CHST15: variants seen among roughly 807,000 people sequenced by gnomAD.
CHST15 encodes B cell RAG associated protein (GALNAC4S-6ST).
In CHST15, 30 loss-of-function variants were observed where a neutral mutation model predicts 53.6. That is an observed-to-expected ratio of 0.56 (90% confidence interval 0.42 to 0.76). CHST15 has a LOEUF of 0.76. Ranked by LOEUF, CHST15 falls within the 30% of genes least tolerant of loss-of-function variation. CHST15 has a pLI of 0.00. For synonymous variants in CHST15, 296 were observed against 289.8 expected (o/e 1.02, Z -0.22); for missense variants, 627 against 740.5 (o/e 0.85, Z 1.78).
chr10:124,022,247 C>T (rs1417115326), intron 5 of CHST15, among the ~76,000 whole-genome samples: 1 of 152,204 alleles, frequency 6.6e-6, no homozygotes, highest in Non-Finnish European at 1.5e-5. Flanking sequence ...GCAATAGGCC[C>T]CCACAGGCCA....
chr10:124,045,617 T>C (rs374734380), intron 2 of CHST15, 50 bp downstream of exon 2: 110 of 1,481,482 alleles, frequency 7.4e-5, no homozygotes, highest in Non-Finnish European at 9.6e-5. Context: ...AGAAAAGCAC[T>C]CATTTCTAAA....
At position 124,011,186 on chromosome 10, in the gene CHST15, C is replaced by A. The variant is rs75389960; in HGVS notation, c.1496-847G>T. The A allele has an allele frequency of 2.9e-3, 2,356 of 822,318 alleles. 49 individuals carry two copies. The African/African-American group carries it at 0.041, about 14-fold the overall frequency. The allele number at this position is 822,318 out of a possible 1,614,324, so 50.9% of individuals were successfully genotyped here. On this transcript the variant is annotated intron_variant, in intron 7 of 7. Coordinates refer to ENST00000435907, the MANE Select transcript of CHST15 (RefSeq NM_001270764.2). Reference sequence around the variant, plus strand: ...TCTGGGCCACAGCTTCTTGGTGTAACCCATCACTGCTCAAGCCTCTTTACC... The same window carrying A: ...TCTGGGCCACAGCTTCTTGGTGTAAACCATCACTGCTCAAGCCTCTTTACC...
At chr10:124,040,005 T>C (rs1947676420) in intron 4 of CHST15, among the ~76,000 whole-genome samples, 2 of 152,224 alleles carry the variant, frequency 1.3e-5, no homozygotes, top group African/African-American at 4.8e-5. Flanking sequence ...AGCTCTGTTC[T>C]GGCCTTTTGT....
intron 5 of CHST15, among the ~76,000 whole-genome samples, chr10:124,023,346 CGTG>C (rs1349406742): frequency 1.3e-5 from 2 of 151,744 alleles, no homozygotes; most frequent in African/African-American, 2.4e-5. Context: ...ATTAGCCAGG[CGTG>C]GTGGTGCGTG....
At chr10:124,012,273 C>A in intron 7 of CHST15, 60 bp downstream of exon 7, 1 of 1,569,472 alleles carries the variant, frequency 6.4e-7, no homozygotes, top group South Asian at 1.2e-5. Flanking sequence ...CCAGAGGACT[C>A]CCAGAACAAG....
At chr10:124,037,539 C>G (rs533854719) in intron 5 of CHST15, among the ~76,000 whole-genome samples, 1 of 152,296 alleles carries the variant, frequency 6.6e-6, no homozygotes, top group East Asian at 1.9e-4. Flanking sequence ...GACAGGTGCC[C>G]CCTTAGCTCT....
At chr10:124,077,355 C>G (rs1394570867) in intron 1 of CHST15, among the ~76,000 whole-genome samples, 1 of 152,224 alleles carries the variant, frequency 6.6e-6, no homozygotes, top group African/African-American at 2.4e-5. Flanking sequence ...AGCATCTTCT[C>G]TAATGCAGCT....
chr10:124,081,428 C>T lies in CHST15; in HGVS notation c.-513+12041G>A, dbSNP rs939627390. Among the ~76,000 whole-genome samples the T allele has an allele frequency of 5.9e-5, 9 of 152,250 alleles. No homozygotes were observed. The South Asian group carries it at 8.3e-4, about 14-fold the overall frequency. ...CACACAAATGCCCAGCATCCATCCC[C>T]GGAGACTTGATGTAACAGCTGATGT... On this transcript the variant is annotated intron_variant, in intron 1 of 7. Coordinates refer to ENST00000435907, the MANE Select transcript of CHST15 (RefSeq NM_001270764.2).
intron 1 of CHST15, among the ~76,000 whole-genome samples, chr10:124,087,488 G>T (rs1411873848): frequency 6.6e-6 from 1 of 152,168 alleles, no homozygotes; most frequent in Admixed American, 6.5e-5. Context: ...TGCCCATGTT[G>T]GGGTATTTTC....
intron 1 of CHST15, among the ~76,000 whole-genome samples, chr10:124,047,624 C>T (rs1590268470): frequency 2.6e-5 from 4 of 152,272 alleles, no homozygotes; most frequent in Admixed American, 2.6e-4. Flanking sequence ...CCTGAGCAAG[C>T]CACATAACCT....
At chr10:124,059,262 T>G (rs545334898) in intron 1 of CHST15, among the ~76,000 whole-genome samples, 7 of 152,314 alleles carry the variant, frequency 4.6e-5, no homozygotes, top group African/African-American at 1.7e-4. Context: ...TGCACGTTTT[T>G]GGGGCTCAAA....
intron 1 of CHST15, among the ~76,000 whole-genome samples, chr10:124,088,476 C>T (rs1949505985): frequency 6.6e-6 from 1 of 152,236 alleles, no homozygotes; most frequent in Non-Finnish European, 1.5e-5. Flanking sequence ...TGAGAAACTG[C>T]TTCCCACTTG....
chr10:124,031,716 C>T (rs1249968880), intron 5 of CHST15, among the ~76,000 whole-genome samples: 7 of 152,150 alleles, frequency 4.6e-5, no homozygotes, highest in Admixed American at 4.6e-4. Flanking sequence ...TACATATTTT[C>T]CATTTGTCAA....
chr10:124,056,870 C>T (rs1423185238), intron 1 of CHST15, among the ~76,000 whole-genome samples: 6 of 151,238 alleles, frequency 4.0e-5, no homozygotes, highest in African/African-American at 9.8e-5. Context: ...CCTGTACGAC[C>T]GGACACTCTG....
intron 1 of CHST15, among the ~76,000 whole-genome samples, chr10:124,062,528 A>G (rs1464431732): frequency 2.6e-5 from 4 of 152,130 alleles, no homozygotes; most frequent in Non-Finnish European, 4.4e-5. Flanking sequence ...GACCCCATGG[A>G]CAGGCGTGGA....
At position 124,038,280 on chromosome 10, in the gene CHST15, A is replaced by G. The variant is rs181090565; in HGVS notation, c.1190+235T>C. Among the ~76,000 whole-genome samples the G allele has an allele frequency of 4.0e-5, 6 of 151,658 alleles. No individual in the cohort carries two copies. In the East Asian group the frequency reaches 1.2e-3, roughly 29 times the overall value. ...TGCCACCACATCTGGTAATTTTTGT[A>G]TTTTTAGTAGAGATGGGGTTTCACC... On this transcript the variant is annotated intron_variant, in intron 5 of 7. Coordinates refer to ENST00000435907, the MANE Select transcript of CHST15 (RefSeq NM_001270764.2).
intron 4 of CHST15, among the ~76,000 whole-genome samples, chr10:124,038,955 G>C (rs567903951): frequency 1.3e-5 from 2 of 152,166 alleles, no homozygotes; most frequent in South Asian, 2.1e-4. Context: ...TTTCCAAGGG[G>C]AGCAAAAATG....
intron 1 of CHST15, among the ~76,000 whole-genome samples, chr10:124,068,950 A>C (rs1032830923): frequency 1.3e-5 from 2 of 152,238 alleles, no homozygotes; most frequent in Admixed American, 6.5e-5. Context: ...TATACAAAGA[A>C]AGCATACAAG....
intron 5 of CHST15, among the ~76,000 whole-genome samples, chr10:124,037,678 G>T (rs1318848104): frequency 1.3e-5 from 2 of 152,178 alleles, no homozygotes; most frequent in Non-Finnish European, 2.9e-5. Flanking sequence ...CCCCATAGTG[G>T]CTGTTCAATA....
Sources: allele counts gnomAD v4.1 joint callset (sites outside exome capture counted in the v4.1 genomes callset), GRCh38; gene constraint gnomAD v4.1.1; transcripts MANE v1.5; gene names NCBI Gene and HGNC (gene_info 2026-07-23, HGNC 2026-07-21).